KLF3: variants seen among roughly 807,000 people sequenced by gnomAD.
KLF3 encodes KLF transcription factor 3.
Under a neutral mutation model 32.7 loss-of-function variants are expected in KLF3, and 6 were observed. The observed-to-expected ratio is 0.18, with a 90% CI of 0.10 to 0.36. KLF3 has a LOEUF of 0.36. KLF3 is among the 10% of genes least tolerant of loss of function. The probability of loss-of-function intolerance (pLI) is 1.00; values close to 1 mark genes in which losing one functional copy is unlikely to be tolerated. For synonymous variants in KLF3, 145 were observed against 172.8 expected (o/e 0.84, Z 1.26); for missense variants, 338 against 449.7 (o/e 0.75, Z 2.25).
At chr4:38,684,970 T>C (rs564231636) in intron 2 of KLF3, among the ~76,000 whole-genome samples, 1 of 152,186 alleles carries the variant, frequency 6.6e-6, no homozygotes, top group South Asian at 2.1e-4. Context: ...CAGGGTCTCT[T>C]GGACTAAGCA....
intron 2 of KLF3, among the ~76,000 whole-genome samples, chr4:38,682,850 C>T (rs965429518): frequency 6.6e-6 from 1 of 152,194 alleles, no homozygotes; most frequent in African/African-American, 2.4e-5. Context: ...TCAACTGCAG[C>T]TGACACTTTT....
intron 5 of KLF3, among the ~76,000 whole-genome samples, chr4:38,696,331 G>A (rs537637739): frequency 1.3e-4 from 20 of 152,204 alleles, no homozygotes; most frequent in Non-Finnish European, 2.9e-4. Context: ...TTAAATGGGA[G>A]TTAATTTTGT....
rs1413632138 is a variant in KLF3 at position 38,701,296 on chromosome 4, A to G, written c.*4033A>G. ...TAAAACTGCAGACAATCCAGCAAAA[A>G]TCTACAAACTCACCTAGTTCATTCT... is the stretch of plus-strand genomic sequence containing the variant. On this transcript the variant is annotated 3_prime_UTR_variant, in exon 6 of 6. Transcript: ENST00000261438. Among the ~76,000 whole-genome samples the G allele has an allele frequency of 6.6e-6, 1 of 152,210 alleles. No individual in the cohort carries two copies. Among genetic ancestry groups the G allele is most frequent in the Non-Finnish European group, 1.5e-5 (1 of 68,044 alleles).
At chr4:38,689,120 C>T (rs374733236) in intron 3 of KLF3, 49 bp downstream of exon 3, 9 of 1,595,328 alleles carry the variant, frequency 5.6e-6, no homozygotes, top group Middle Eastern at 1.7e-4. Flanking sequence ...AGCGTACTGG[C>T]GCTTCACCAG....
intron 1 of KLF3, among the ~76,000 whole-genome samples, chr4:38,679,670 A>G (rs1317280820): frequency 6.6e-6 from 1 of 152,256 alleles, no homozygotes; most frequent in African/African-American, 2.4e-5. Flanking sequence ...ATGTGTTCAC[A>G]CAGTGGCACG....
At chr4:38,687,839 G>A (rs768104887) in intron 2 of KLF3, among the ~76,000 whole-genome samples, 7 of 152,178 alleles carry the variant, frequency 4.6e-5, no homozygotes, top group Non-Finnish European at 1.0e-4. Context: ...GTGGCCTTCA[G>A]TACAAAGGTG....
chr4:38,682,207 T>G (rs7698567), intron 2 of KLF3, among the ~76,000 whole-genome samples: 1 of 152,344 alleles, frequency 6.6e-6, no homozygotes, highest in African/African-American at 2.4e-5. Flanking sequence ...TACAGGCGCA[T>G]GCCACCACGC....
intron 1 of KLF3, among the ~76,000 whole-genome samples, chr4:38,665,682 A>G (rs1383315544): frequency 6.6e-6 from 1 of 152,242 alleles, no homozygotes; most frequent in African/African-American, 2.4e-5. Flanking sequence ...AGTCTGGTAT[A>G]TGGGAAAAAG....
At chr4:38,684,353 C>A (rs552217944) in intron 2 of KLF3, among the ~76,000 whole-genome samples, 1 of 152,258 alleles carries the variant, frequency 6.6e-6, no homozygotes, top group African/African-American at 2.4e-5. Context: ...ATTTACTACA[C>A]ATTCATCAAG....
At position 38,667,197 on chromosome 4, in the gene KLF3, G is replaced by A. The variant is rs4833081; in HGVS notation, c.-40+2736G>A. Among the ~76,000 whole-genome samples the A allele has an allele frequency of 6.6e-5, 10 of 152,316 alleles. No homozygotes were observed. In the East Asian group the frequency reaches 1.3e-3, roughly 21 times the overall value. ...AAAACTCCAGCTGCTCATGAATATA[G>A]GGTCAGGGAGGGCCGGCTAAATGTT... On this transcript the variant is annotated intron_variant, in intron 1 of 5. Transcript: ENST00000261438.
At chr4:38,686,820 T>G (rs938271030) in intron 2 of KLF3, among the ~76,000 whole-genome samples, 2 of 152,236 alleles carry the variant, frequency 1.3e-5, no homozygotes, top group Non-Finnish European at 2.9e-5. Context: ...AACACAGTTA[T>G]GTGATAAAGT....
rs1723160506 is a variant in KLF3 at position 38,700,255 on chromosome 4, A to G, written c.*2992A>G. ...AGCCTTGGAACAGAATTACAGGGGAACTATATATGTATATGTATATTTTAT... is the reference window on the plus strand; with the variant it reads ...AGCCTTGGAACAGAATTACAGGGGAGCTATATATGTATATGTATATTTTAT... On this transcript the variant is annotated 3_prime_UTR_variant, in exon 6 of 6. Transcript: ENST00000261438. 1 of 152,214 alleles carries G rather than the reference A, an allele frequency of 6.6e-6. No individual in the cohort carries two copies. Among genetic ancestry groups the G allele is most frequent in the Admixed American group, 6.5e-5 (1 of 15,274 alleles). 9.4% of individuals were successfully genotyped at this position (152,214 alleles called of 1,614,324 possible).
chr4:38,664,991 C>T (rs1427217357), intron 1 of KLF3: 1 of 146,098 alleles, frequency 6.8e-6, no homozygotes, highest in Admixed American at 6.7e-5. Flanking sequence ...CCTCCCTCCG[C>T]CCGCGCCCCC....
Position 38,680,638 on chromosome 4 carries a change from G to T in KLF3, c.13G>T (p.Asp5Tyr). 6.2e-7 allele frequency: 1 copy of T among 1,613,694 alleles called. No homozygotes were observed. The highest frequency in any genetic ancestry group is 8.5e-7 in the Non-Finnish European group (1 of 1,179,640). ...TTTAACTAAAAGAATGCTCATGTTTGACCCAGTTCCTGTCAAGCAAGAGGC... is the reference window on the plus strand; with the variant it reads ...TTTAACTAAAAGAATGCTCATGTTTTACCCAGTTCCTGTCAAGCAAGAGGC... MLMF[D>Y]PVPVKQEAMD... The change falls in exon 2 of 6, where the codon GAC (aspartate) becomes TAC (tyrosine). Residue 5 changes from aspartate (D) to tyrosine (Y), a missense_variant. Coordinates refer to ENST00000261438, the MANE Select transcript of KLF3 (RefSeq NM_016531.6).
At chr4:38,665,072 C>T (rs1206368006) in intron 1 of KLF3, among the ~76,000 whole-genome samples, 1 of 151,562 alleles carries the variant, frequency 6.6e-6, no homozygotes, top group African/African-American at 2.4e-5. Context: ...AGTCTCCCGG[C>T]CCTCTGGAAA....
At position 38,671,221 on chromosome 4, in the gene KLF3, C is replaced by G. The variant is rs1236575014; in HGVS notation, c.-40+6760C>G. 6.6e-6 allele frequency among the ~76,000 whole-genome samples: 1 copy of G among 152,250 alleles called. No homozygotes were observed. Among genetic ancestry groups the G allele is most frequent in the Non-Finnish European group, 1.5e-5 (1 of 68,050 alleles). On this transcript the variant is annotated intron_variant, in intron 1 of 5. Coordinates refer to ENST00000261438, the MANE Select transcript of KLF3 (RefSeq NM_016531.6). This position sits in a 1 kb window ranked among gnomAD's most constrained non-coding sequence, Gnocchi z 4.4. ...TGAAATTGGGCGAGTCATTTCACCT[C>G]TGTTCCTCCATTTCCTCATTTCTAA...
At chr4:38,670,355 A>G (rs965679242) in intron 1 of KLF3, among the ~76,000 whole-genome samples, 1 of 152,226 alleles carries the variant, frequency 6.6e-6, no homozygotes, top group African/African-American at 2.4e-5. Flanking sequence ...CCTGCCAGGG[A>G]TGGCCCAGAG....
Position 38,680,594 on chromosome 4 carries a change from A to G in KLF3, c.-32A>G, listed in dbSNP as rs369046290. 3 of 1,577,914 alleles carry G rather than the reference A, an allele frequency of 1.9e-6. No homozygotes were observed. The highest frequency in any genetic ancestry group is 2.6e-6 in the Non-Finnish European group (3 of 1,147,516). ...CCTTGTTTTGTTTTCTAGGCCAAAC[A>G]CCAGAGCACCCTAGAAGGTTTAACT... On this transcript the variant is annotated 5_prime_UTR_variant, in exon 2 of 6. Coordinates refer to ENST00000261438, the MANE Select transcript of KLF3 (RefSeq NM_016531.6).
At position 38,688,525 on chromosome 4, in the gene KLF3, A is replaced by C; in HGVS notation, c.58-60A>C. ...CTTGTTAGCATATTTTTCTTAATTC[A>C]TGTTTCAAGTAAATGGACTTATTTG... On this transcript the variant is annotated intron_variant, in intron 2 of 5. Transcript: ENST00000261438. The surrounding 1 kb of genome is among the most constrained non-coding windows in gnomAD (Gnocchi z 4.9). 1 of 1,493,554 alleles carries C rather than the reference A, an allele frequency of 6.7e-7. No individual in the cohort carries two copies. The highest frequency in any genetic ancestry group is 9.0e-7 in the Non-Finnish European group (1 of 1,112,572). 92.5% of individuals were successfully genotyped at this position (1,493,554 alleles called of 1,614,324 possible). A position where few individuals can be genotyped will look rare whatever the true frequency, so the allele number is the denominator to read the frequency against.
Sources: allele counts gnomAD v4.1 joint callset (sites outside exome capture counted in the v4.1 genomes callset), GRCh38; gene constraint gnomAD v4.1.1; non-coding constraint Gnocchi (gnomAD v3.1); transcripts MANE v1.5; gene names NCBI Gene and HGNC (gene_info 2026-07-23, HGNC 2026-07-21).